The following HECW1 variants were observed in gnomAD, a reference collection of about 807,000 sequenced individuals.
HECW1 encodes HECT, C2 and WW domain containing E3 ubiquitin protein ligase 1.
In HECW1, 61 loss-of-function variants were observed where a neutral mutation model predicts 182.3. The observed-to-expected ratio is 0.33, with a 90% CI of 0.27 to 0.41. The LOEUF is 0.41. Ranked by LOEUF, HECW1 falls within the 10% of genes least tolerant of loss-of-function variation. HECW1 has a pLI of 1.00. For synonymous variants in HECW1, 859 were observed against 832.6 expected (o/e 1.03, Z -0.55); for missense variants, 1,739 against 2,108.9 (o/e 0.82, Z 3.44).
At chr7:43,120,290 CT>C (rs924105952) in intron 2 of HECW1, among the ~76,000 whole-genome samples, 3 of 152,124 alleles carry the variant, frequency 2.0e-5, no homozygotes, top group African/African-American at 7.2e-5. Flanking sequence ...TCCTGACCCC[CT>C]TTATCAGATA....
rs1338059372 is a variant in HECW1 at position 43,508,148 on chromosome 7, T to G, written c.3866+17T>G. ...AGAGGAGGGGTGAGGCACCAGGAGT[T>G]TTATGCAGACACCTAAGCAAGGGTG... On this transcript the variant is annotated intron_variant, in intron 23 of 29. Transcript: ENST00000395891. The G allele has an allele frequency of 2.5e-6, 4 of 1,570,344 alleles. No homozygotes were observed. The highest frequency in any genetic ancestry group is 2.6e-6 in the Non-Finnish European group (3 of 1,140,506).
chr7:43,493,113 C>T lies in HECW1; in HGVS notation c.3370C>T (p.Arg1124Cys), dbSNP rs762675068. 8.8e-5 allele frequency: 142 copies of T among 1,613,330 alleles called. No homozygotes were observed. The highest frequency in any genetic ancestry group is 1.2e-4 in the Non-Finnish European group (138 of 1,179,660). The change falls in exon 19 of 30, where the codon CGC (arginine) becomes TGC (cysteine). Residue 1124 changes from arginine to cysteine, a missense_variant. Coordinates refer to ENST00000395891, the MANE Select transcript of HECW1 (RefSeq NM_015052.5). ...TAATGACAAGATTGTGGCATTTCTT[C>T]GCCAGCCAAACATTTTTGAAATGCT... ...AYNDKIVAFL[R>C]QPNIFEMLQE... is the part of the protein sequence containing the mutation.
At chr7:43,461,908 C>G (rs1227808763) in intron 13 of HECW1, among the ~76,000 whole-genome samples, 2 of 152,184 alleles carry the variant, frequency 1.3e-5, no homozygotes, top group African/African-American at 2.4e-5. Flanking sequence ...GTTCTCAAAC[C>G]TAGATATAAA....
At chr7:43,532,482 G>A (rs2081031082) in intron 24 of HECW1, among the ~76,000 whole-genome samples, 1 of 152,234 alleles carries the variant, frequency 6.6e-6, no homozygotes, top group South Asian at 2.1e-4. Flanking sequence ...TCCTTCCCAT[G>A]GCCTGCCAAG....
intron 2 of HECW1, among the ~76,000 whole-genome samples, chr7:43,134,104 T>C (rs1562581477): frequency 6.6e-6 from 1 of 152,104 alleles, no homozygotes; most frequent in African/African-American, 2.4e-5. Context: ...TCTTAAATTT[T>C]AAGAATAAAT....
chr7:43,431,926 C>A (rs571039295), intron 8 of HECW1, among the ~76,000 whole-genome samples: 9 of 150,218 alleles, frequency 6.0e-5, no homozygotes, highest in African/African-American at 2.0e-4. Context: ...ACCCAATGTT[C>A]AAGCAATTTT....
chr7:43,461,913 T>C lies in HECW1; in HGVS notation c.2652-1747T>C, dbSNP rs540154048. On this transcript the variant is annotated intron_variant, in intron 13 of 29. Transcript: ENST00000395891. Reference sequence around the variant, plus strand: ...TAGACCAATAGTTCTCAAACCTAGATATAAATAATACTTCCTAAAGAACTC... The same window carrying C: ...TAGACCAATAGTTCTCAAACCTAGACATAAATAATACTTCCTAAAGAACTC... Among the ~76,000 whole-genome samples the C allele has an allele frequency of 5.9e-5, 9 of 152,342 alleles. No homozygotes were observed. The South Asian group carries it at 1.2e-3, about 21-fold the overall frequency.
intron 17 of HECW1, among the ~76,000 whole-genome samples, chr7:43,480,395 T>C (rs535344734): frequency 1.2e-4 from 18 of 152,284 alleles, no homozygotes; most frequent in African/African-American, 4.3e-4. Context: ...GATCAGTTCC[T>C]GACAATATCA....
At chr7:43,334,875 G>A (rs1811927678) in intron 5 of HECW1, among the ~76,000 whole-genome samples, 3 of 152,124 alleles carry the variant, frequency 2.0e-5, no homozygotes, top group South Asian at 2.1e-4. Flanking sequence ...TCTCTATACC[G>A]AGTCTAGAAA....
intron 2 of HECW1, among the ~76,000 whole-genome samples, chr7:43,209,172 C>T (rs549498145): frequency 9.2e-5 from 7 of 76,440 alleles, no homozygotes; most frequent in African/African-American, 3.1e-4. Context: ...TTAACAGTGG[C>T]ATCAGACCCA....
At chr7:43,392,342 C>T (rs2075063404) in intron 6 of HECW1, among the ~76,000 whole-genome samples, 2 of 152,150 alleles carry the variant, frequency 1.3e-5, no homozygotes, top group Admixed American at 1.3e-4. Context: ...TGGCCACACT[C>T]CTATTGGAAA....
chr7:43,291,693 TA>T (rs1477688073), intron 3 of HECW1, among the ~76,000 whole-genome samples: 3 of 152,222 alleles, frequency 2.0e-5, no homozygotes, highest in Non-Finnish European at 4.4e-5. Flanking sequence ...TACAGTTCTT[TA>T]TGAATTCTTA....
At chr7:43,365,172 T>C (rs1584640854) in intron 6 of HECW1, among the ~76,000 whole-genome samples, 1 of 152,232 alleles carries the variant, frequency 6.6e-6, no homozygotes, top group Non-Finnish European at 1.5e-5. Flanking sequence ...TGCCTGCCGG[T>C]TCTCCTGCAG....
In HECW1 at chr7:43,537,883, C is replaced by T. The variant is rs186011184; in HGVS notation, c.4020-3280C>T. ...TGGAAATTCCACCTTATGGTCTTCC[C>T]AATTCAAAGCAAATATACAATTCTC... On this transcript the variant is annotated intron_variant, in intron 24 of 29. Transcript: ENST00000395891. Among the ~76,000 whole-genome samples, 418 of 152,240 alleles carry T rather than the reference C, an allele frequency of 2.7e-3. 5 individuals carry two copies. Among genetic ancestry groups the T allele is most frequent in the Non-Finnish European group, 2.6e-3 (176 of 68,026 alleles).
chr7:43,278,244 C>T (rs767498946), intron 3 of HECW1, among the ~76,000 whole-genome samples: 9 of 152,180 alleles, frequency 5.9e-5, no homozygotes, highest in Non-Finnish European at 1.2e-4. Flanking sequence ...CAATCTTCCT[C>T]ATGTCAGTGA....
At chr7:43,200,419 C>T (rs1794925065) in intron 2 of HECW1, among the ~76,000 whole-genome samples, 1 of 152,158 alleles carries the variant, frequency 6.6e-6, no homozygotes, top group African/African-American at 2.4e-5. Context: ...GTCAAATGAT[C>T]ACCTTTTAAC....
intron 2 of HECW1, among the ~76,000 whole-genome samples, chr7:43,126,907 C>T (rs1786312603): frequency 6.6e-6 from 1 of 152,202 alleles, no homozygotes. Context: ...TGTGTTCTGA[C>T]TCTTCCACCC....
At chr7:43,537,706 G>T (rs1158894387) in intron 24 of HECW1, among the ~76,000 whole-genome samples, 2 of 152,310 alleles carry the variant, frequency 1.3e-5, no homozygotes, top group East Asian at 3.9e-4. Context: ...ATATTTTATG[G>T]TATATATGGG....
chr7:43,250,228 C>G (rs1799887193), intron 3 of HECW1, among the ~76,000 whole-genome samples: 1 of 152,026 alleles, frequency 6.6e-6, no homozygotes, highest in Admixed American at 6.5e-5. Context: ...AGGGATTATG[C>G]TGGGTCACTC....
Sources: allele counts gnomAD v4.1 joint callset (sites outside exome capture counted in the v4.1 genomes callset), GRCh38; gene constraint gnomAD v4.1.1; transcripts MANE v1.5; gene names NCBI Gene and HGNC (gene_info 2026-07-23, HGNC 2026-07-21).